The following NR1H4 variants were observed in gnomAD, a reference collection of about 807,000 sequenced individuals.
NR1H4 encodes nuclear receptor subfamily 1 group H member 4, also known as bile acid receptor.
Under a neutral mutation model 58.5 loss-of-function variants are expected in NR1H4, and 23 were observed. The ratio of observed to expected loss-of-function variants is 0.39; its 90% CI spans 0.28 to 0.56. The LOEUF is 0.56. Among genes scored for constraint, NR1H4 ranks in the 20% least tolerant of loss-of-function variants. The pLI is 0.58. For synonymous variants in NR1H4, 214 were observed against 198.0 expected, an observed-to-expected ratio of 1.08 and a Z score of -0.68; for missense variants, 487 against 576.9, an observed-to-expected ratio of 0.84 and a Z score of 1.60.
chr12:100,539,596 C>T (rs988820015), intron 8 of NR1H4, among the ~76,000 whole-genome samples: 2 of 152,200 alleles, frequency 1.3e-5, no homozygotes, highest in Admixed American at 1.3e-4. Context: ...CCAGCATGCA[C>T]ATGAGCTTGT....
chr12:100,480,335 T>C (rs1352795872), intron 1 of NR1H4, among the ~76,000 whole-genome samples: 2 of 152,182 alleles, frequency 1.3e-5, no homozygotes, highest in African/African-American at 4.8e-5. Context: ...AGTGAATGAA[T>C]GGGAAATTGA....
chr12:100,494,735 A>G (rs1248842329), intron 3 of NR1H4, among the ~76,000 whole-genome samples: 1 of 152,246 alleles, frequency 6.6e-6, no homozygotes, highest in African/African-American at 2.4e-5. Context: ...GAGTCAATGT[A>G]TAGACATCTT....
In NR1H4 at chr12:100,554,392, A is replaced by AACACACACAC. The variant is rs60582622; in HGVS notation, c.1079-7470_1079-7461dup. On this transcript the variant is annotated intron_variant, in intron 9 of 10. Transcript: ENST00000392986. ...TAGTGTAATATGCATACTTGTAAAT[A>AACACACACAC]ACACACACACACACACACACACACA... is the stretch of plus-strand genomic sequence containing the variant. 8.0e-3 allele frequency among the ~76,000 whole-genome samples: 1,178 copies of AACACACACAC among 148,086 alleles called. 7 individuals carry two copies. Among genetic ancestry groups the AACACACACAC allele is most frequent in the East Asian group, 0.024 (121 of 5,020 alleles).
At chr12:100,489,154 A>G (rs1381267840) in intron 1 of NR1H4, among the ~76,000 whole-genome samples, 1 of 152,242 alleles carries the variant, frequency 6.6e-6, no homozygotes, top group Non-Finnish European at 1.5e-5. Context: ...TGCTAATCCC[A>G]GTAAGAAGCT....
rs762191594 is a variant in NR1H4 at position 100,535,019 on chromosome 12, G to T, written c.728G>T (p.Cys243Phe). ...LRQVTSTTKS[C>F]REKTELTPDQ... ...CAAGTGACCTCGACAACAAAGTCAT[G>T]CAGGGTAATAATATGCAATGGTGTC... The change falls in exon 6 of 11, where the codon TGC becomes TTC. Residue 243 changes from cysteine to phenylalanine, a missense_variant. By Grantham distance (205) the Cys-to-Phe change is radical (BLOSUM62 -2). Transcript: ENST00000392986. The T allele has an allele frequency of 6.8e-6, 11 of 1,614,204 alleles. No homozygotes were observed. Among genetic ancestry groups the T allele is most frequent in the Non-Finnish European group, 9.3e-6 (11 of 1,180,038 alleles).
intron 9 of NR1H4, among the ~76,000 whole-genome samples, chr12:100,545,292 T>C (rs574242096): frequency 2.0e-5 from 3 of 151,730 alleles, no homozygotes; most frequent in Non-Finnish European, 2.9e-5. Flanking sequence ...AGGGGAAAAA[T>C]AGTCTTCCAA....
Position 100,535,006 on chromosome 12 carries a change from A to T in NR1H4, c.715A>T (p.Thr239Ser). 6.2e-7 allele frequency: 1 copy of T among 1,614,250 alleles called. No homozygotes were observed. Among genetic ancestry groups the T allele is most frequent in the South Asian group, 1.1e-5 (1 of 91,086 alleles). Residue 239 changes from threonine to serine, a missense_variant, in exon 6 of 11, where the codon ACA becomes TCA. Coordinates refer to ENST00000392986, the MANE Select transcript of NR1H4 (RefSeq NM_001206979.2). ...TCGTGACTTGCGACAAGTGACCTCG[A>T]CAACAAAGTCATGCAGGGTAATAAT... ...EGRDLRQVTS[T>S]TKSCREKTEL... is the part of the protein sequence containing the mutation.
chr12:100,563,437 T>C lies in NR1H4; in HGVS notation c.1379T>C (p.Val460Ala). 4.3e-6 allele frequency: 7 copies of C among 1,613,988 alleles called. No individual in the cohort carries two copies. In the Admixed American group the frequency reaches 6.7e-5, roughly 15 times the overall value. Residue 460 changes from valine (V) to alanine (A), a missense_variant, in exon 11 of 11, where the codon GTA becomes GCA. Coordinates refer to ENST00000392986, the MANE Select transcript of NR1H4 (RefSeq NM_001206979.2). ...GCTGAGATGCTGATGTCATGGAGAG[T>C]AAACGACCACAAGTTTACCCCACTT... Reference protein sequence around the residue: ...HHAEMLMSWRVNDHKFTPLLC... With the variant: ...HHAEMLMSWRANDHKFTPLLC...
chr12:100,561,242 C>T (rs933049588), intron 9 of NR1H4, among the ~76,000 whole-genome samples: 2 of 151,732 alleles, frequency 1.3e-5, no homozygotes, highest in Non-Finnish European at 2.9e-5. Flanking sequence ...TAAAAAATAC[C>T]AAAAAATTAG....
At chr12:100,501,369 C>A (rs1269776207) in intron 3 of NR1H4, among the ~76,000 whole-genome samples, 2 of 127,406 alleles carry the variant, frequency 1.6e-5, no homozygotes, top group African/African-American at 3.9e-5. Context: ...CAGATGGTGA[C>A]CCCGATCAAG....
At chr12:100,553,548 C>A (rs949932965) in intron 9 of NR1H4, among the ~76,000 whole-genome samples, 3 of 152,080 alleles carry the variant, frequency 2.0e-5, no homozygotes, top group Non-Finnish European at 4.4e-5. Flanking sequence ...AAAGTGTATC[C>A]CACTTGTTAG....
intron 9 of NR1H4, among the ~76,000 whole-genome samples, chr12:100,547,924 G>A (rs1454405582): frequency 1.3e-5 from 2 of 150,932 alleles, no homozygotes; most frequent in Non-Finnish European, 3.0e-5. Context: ...GTTTTACCAT[G>A]TTAGCCAGGA....
At chr12:100,560,543 G>A (rs2136322212) in intron 9 of NR1H4, among the ~76,000 whole-genome samples, 1 of 152,232 alleles carries the variant, frequency 6.6e-6, no homozygotes, top group East Asian at 1.9e-4. Context: ...CTGAGCCAGC[G>A]AGACCATGAA....
intron 8 of NR1H4, 32 bp downstream of exon 8, chr12:100,537,079 T>C: frequency 7.5e-7 from 1 of 1,334,320 alleles, no homozygotes; most frequent in Admixed American, 1.8e-5. Context: ...TTAATATTTA[T>C]TGAGAGTTTA....
intron 9 of NR1H4, among the ~76,000 whole-genome samples, chr12:100,545,131 A>G (rs1955030061): frequency 6.6e-6 from 1 of 151,808 alleles, no homozygotes; most frequent in Non-Finnish European, 1.5e-5. Flanking sequence ...GCTTCCTTTA[A>G]AAAAAAATCT....
intron 3 of NR1H4, among the ~76,000 whole-genome samples, chr12:100,510,067 C>G (rs528730128): frequency 6.6e-6 from 1 of 152,324 alleles, no homozygotes; most frequent in East Asian, 1.9e-4. Context: ...TTTACATCTA[C>G]TTAATAGTGT....
intron 4 of NR1H4, among the ~76,000 whole-genome samples, chr12:100,521,808 C>G (rs3789985): frequency 0.021 from 3,231 of 152,178 alleles, 127 homozygotes; most frequent in East Asian, 0.15. Context: ...TATTGACATC[C>G]TATTTAAGAT....
intron 8 of NR1H4, among the ~76,000 whole-genome samples, chr12:100,537,915 T>C (rs773551572): frequency 6.6e-6 from 1 of 152,152 alleles, no homozygotes; most frequent in Non-Finnish European, 1.5e-5. Flanking sequence ...GGTTTCACCA[T>C]ATTGGACAGG....
intron 3 of NR1H4, among the ~76,000 whole-genome samples, chr12:100,498,640 G>GA (rs200062496): frequency 6.6e-6 from 1 of 151,290 alleles, no homozygotes; most frequent in Non-Finnish European, 1.5e-5. Flanking sequence ...AACAAAACAA[G>GA]AAAAAAACAC....
Sources: allele counts gnomAD v4.1 joint callset (sites outside exome capture counted in the v4.1 genomes callset), GRCh38; gene constraint gnomAD v4.1.1; transcripts MANE v1.5; gene names NCBI Gene and HGNC (gene_info 2026-07-23, HGNC 2026-07-21).